Variants in POU2F1 observed in about 807,000 individuals in gnomAD.
The protein encoded by POU2F1 is POU domain, class 2, transcription factor 1.
In POU2F1, 16 loss-of-function variants were observed where a neutral mutation model predicts 84.9. That is an observed-to-expected ratio of 0.19 (90% CI 0.13 to 0.29). The LOEUF is 0.29. POU2F1 is among the 10% of genes least tolerant of loss of function. The pLI is 1.00. For missense variants in POU2F1, 738 were observed against 942.6 expected (o/e 0.78, Z 2.84); for synonymous variants, 368 against 368.3 (o/e 1.00, Z 0.01).
chr1:167,387,292 A>G (rs956857855), intron 8 of POU2F1: 2 of 451,630 alleles, frequency 4.4e-6, no homozygotes, highest in African/African-American at 2.0e-5. Flanking sequence ...GAATGGGGCT[A>G]CTTCAGGCCC....
chr1:167,223,755 G>A (rs1293976468), intron 1 of POU2F1, among the ~76,000 whole-genome samples: 1 of 152,106 alleles, frequency 6.6e-6, no homozygotes, highest in Non-Finnish European at 1.5e-5. Flanking sequence ...TAGCTTTTAA[G>A]AGAACCTTCA....
In POU2F1 at chr1:167,415,825, G is replaced by C. The variant is rs566679670; in HGVS notation, c.*15G>C. 2 of 1,604,570 alleles carry C rather than the reference G, an allele frequency of 1.2e-6. No individual in the cohort carries two copies. The highest frequency in any genetic ancestry group is 8.5e-7 in the Non-Finnish European group (1 of 1,174,796). ...AGGCACAGTGAGCTGGGCAGAGCTG[G>C]GCTGCCAGAAGCCTTTTTCACTCTG... On this transcript the variant is annotated 3_prime_UTR_variant, in exon 16 of 16. Coordinates refer to ENST00000367866, the MANE Select transcript of POU2F1 (RefSeq NM_002697.4).
At chr1:167,240,759 G>C (rs896541083) in intron 1 of POU2F1, among the ~76,000 whole-genome samples, 14 of 152,134 alleles carry the variant, frequency 9.2e-5, no homozygotes, top group Non-Finnish European at 1.5e-4. Context: ...CCCTTCCCTA[G>C]AGGTTTGCCA....
intron 13 of POU2F1, 150 bp from the exon 14 acceptor site, chr1:167,411,809 C>T (rs1474546635): frequency 1.4e-6 from 1 of 703,498 alleles, no homozygotes; most frequent in East Asian, 2.8e-5. Context: ...TAGTTAATTT[C>T]CATAAAAGCA....
At chr1:167,391,867 T>C (rs887761646) in intron 9 of POU2F1, among the ~76,000 whole-genome samples, 2 of 152,146 alleles carry the variant, frequency 1.3e-5, no homozygotes, top group African/African-American at 2.4e-5. Context: ...CCCAGGCTTA[T>C]ATTTCTTTGG....
At chr1:167,387,920 G>T (rs1311801768) in intron 8 of POU2F1, among the ~76,000 whole-genome samples, 4 of 152,186 alleles carry the variant, frequency 2.6e-5, no homozygotes, top group African/African-American at 9.7e-5. Context: ...GAAGCTAGCA[G>T]ATTAAAAGGA....
Position 167,284,779 on chromosome 1 carries a change from C to G in POU2F1, c.62-47691C>G, listed in dbSNP as rs539485211. On this transcript the variant is annotated intron_variant, in intron 1 of 15. Coordinates refer to ENST00000367866, the MANE Select transcript of POU2F1 (RefSeq NM_002697.4). ...CTTCCTTCATGGCACCATGAACTCT[C>G]ATACATACAGTGGTAGACTTTCTAC... is the stretch of plus-strand genomic sequence containing the variant. Among the ~76,000 whole-genome samples, 8 of 152,310 alleles carry G rather than the reference C, an allele frequency of 5.3e-5. No individual in the cohort carries two copies. The East Asian group carries it at 1.3e-3, about 26-fold the overall frequency.
chr1:167,384,092 C>T, intron 8 of POU2F1, 141 bp downstream of exon 8: 1 of 629,720 alleles, frequency 1.6e-6, no homozygotes, highest in Non-Finnish European at 2.7e-6. Context: ...CTAGGCTTAT[C>T]AGCTCAATGC....
chr1:167,299,236 G>C (rs1277090970), intron 1 of POU2F1, among the ~76,000 whole-genome samples: 7 of 151,488 alleles, frequency 4.6e-5, no homozygotes. Context: ...GATATACTGA[G>C]GTTAAAGGAT....
chr1:167,359,662 G>A (rs1021835361), intron 2 of POU2F1, among the ~76,000 whole-genome samples: 2 of 152,098 alleles, frequency 1.3e-5, no homozygotes, highest in African/African-American at 2.4e-5. Flanking sequence ...GTGTCTTTTG[G>A]GTAGAACGAT....
rs1374174754 is a variant in POU2F1, at chr1:167,398,029, A to G, written c.1165A>G (p.Ser389Gly). The change falls in exon 11 of 16, where the codon AGT becomes GGT. Residue 389 changes from serine to glycine, a missense_variant. Physicochemically the swap from Ser to Gly is moderately conservative, Grantham distance 56. Coordinates refer to ENST00000367866, the MANE Select transcript of POU2F1 (RefSeq NM_002697.4). ...ATCTGATTCGTCCCTCTCCAGCCCA[A>G]GTGCCCTGAATTCTCCAGGAATTGA... ...LSSDSSLSSPSALNSPGIEGL... is the reference protein window; with the variant it reads ...LSSDSSLSSPGALNSPGIEGL... 1 of 1,613,834 alleles carries G rather than the reference A, an allele frequency of 6.2e-7. No homozygotes were observed. Among genetic ancestry groups the G allele is most frequent in the Admixed American group, 1.7e-5 (1 of 59,994 alleles).
intron 1 of POU2F1, among the ~76,000 whole-genome samples, chr1:167,276,030 TC>T (rs1423904203): frequency 1.3e-5 from 2 of 152,210 alleles, no homozygotes; most frequent in Non-Finnish European, 2.9e-5. Context: ...ACAACAGTAG[TC>T]CCCCTTTATC....
chr1:167,245,026 T>C (rs1032639432), intron 1 of POU2F1, among the ~76,000 whole-genome samples: 2 of 151,840 alleles, frequency 1.3e-5, no homozygotes, highest in African/African-American at 4.8e-5. Context: ...TTAGAAAAAA[T>C]AAAAGGTCTG....
rs188509476 is a variant in POU2F1 at position 167,390,000 on chromosome 1, G to A, written c.987+239G>A. 3.4e-4 allele frequency among the ~76,000 whole-genome samples: 52 copies of A among 152,246 alleles called. No individual in the cohort carries two copies. In the East Asian group the frequency reaches 9.5e-3, roughly 28 times the overall value. On this transcript the variant is annotated intron_variant, in intron 9 of 15. Transcript: ENST00000367866. ...CATTATATTAAGTATTATAAGTAAC[G>A]TAGAGATGATTTAGAGTATATGGGA...
At chr1:167,340,827 A>G (rs1023472545) in intron 2 of POU2F1, among the ~76,000 whole-genome samples, 1 of 152,210 alleles carries the variant, frequency 6.6e-6, no homozygotes, top group Non-Finnish European at 1.5e-5. Context: ...TTTATCTTAT[A>G]GAGAAAACAT....
At chr1:167,227,254 T>G (rs1375840036) in intron 1 of POU2F1, among the ~76,000 whole-genome samples, 1 of 152,228 alleles carries the variant, frequency 6.6e-6, no homozygotes, top group Non-Finnish European at 1.5e-5. Context: ...TATCACATTA[T>G]TTATTTCATA....
chr1:167,315,795 C>A (rs539199322), intron 1 of POU2F1, among the ~76,000 whole-genome samples: 2 of 148,692 alleles, frequency 1.3e-5, no homozygotes, highest in East Asian at 1.9e-4. Flanking sequence ...CAGAGAGATA[C>A]CCCATCTCTT....
In POU2F1 at chr1:167,327,220, C is replaced by G. The variant is rs551948353; in HGVS notation, c.62-5250C>G. Among the ~76,000 whole-genome samples, 9 of 152,340 alleles carry G rather than the reference C, an allele frequency of 5.9e-5. No homozygotes were observed. In the East Asian group the frequency reaches 1.7e-3, roughly 29 times the overall value. Reference sequence around the variant, plus strand: ...CTTGATGTCTGCCCTGGCACAACTGCATCACATTCCTCCAGTCCACGCTCT... The same window carrying G: ...CTTGATGTCTGCCCTGGCACAACTGGATCACATTCCTCCAGTCCACGCTCT... On this transcript the variant is annotated intron_variant, in intron 1 of 15. Transcript: ENST00000367866.
chr1:167,286,849 G>A (rs1653562678), intron 1 of POU2F1, among the ~76,000 whole-genome samples: 1 of 152,188 alleles, frequency 6.6e-6, no homozygotes, highest in Non-Finnish European at 1.5e-5. Context: ...TCTGTGAAAT[G>A]TCTACAAATG....
Sources: gnomAD v4.1 joint callset for allele counts (sites outside exome capture counted in the v4.1 genomes callset) on GRCh38, gnomAD v4.1.1 for gene constraint, MANE v1.5 for transcripts, NCBI Gene and HGNC (gene_info 2026-07-23, HGNC 2026-07-21) for gene names.